CRACR2A: variants seen among roughly 807,000 people sequenced by gnomAD.
CRACR2A encodes calcium release activated channel regulator 2A.
Under a neutral mutation model 90.5 loss-of-function variants are expected in CRACR2A, and 79 were observed. The ratio of observed to expected loss-of-function variants is 0.87; its 90% CI spans 0.73 to 1.05. The LOEUF is 1.05. CRACR2A is among the 50% of genes least tolerant of loss of function. The pLI is 0.00. For missense variants in CRACR2A, 823 were observed against 897.2 expected, an observed-to-expected ratio of 0.92 and a Z score of 1.06; for synonymous variants, 338 against 356.7, an observed-to-expected ratio of 0.95 and a Z score of 0.59.
intron 17 of CRACR2A, among the ~76,000 whole-genome samples, chr12:3,621,671 A>AAAAAAAAAAAAAAAAC (rs1301625787): frequency 2.1e-5 from 3 of 145,304 alleles, no homozygotes; most frequent in Non-Finnish European, 4.5e-5. Context: ...AAAAAAAAAA[A>AAAAAAAAAAAAAAAAC]AAAAAAAAAA....
chr12:3,689,253 G>A (rs188435467), intron 4 of CRACR2A, among the ~76,000 whole-genome samples: 1 of 152,296 alleles, frequency 6.6e-6, no homozygotes, highest in East Asian at 1.9e-4. Context: ...GTGAGAGAGG[G>A]CATCCTTGTC....
chr12:3,751,761 G>A (rs1946708396), intron 1 of CRACR2A, among the ~76,000 whole-genome samples: 1 of 106,170 alleles, frequency 9.4e-6, no homozygotes, highest in African/African-American at 3.8e-5. Flanking sequence ...GAACCGAGAG[G>A]TGACAGGACC....
intron 2 of CRACR2A, among the ~76,000 whole-genome samples, chr12:3,716,547 T>C (rs7305574): frequency 0.14 from 20,785 of 152,238 alleles, 1,616 homozygotes; most frequent in Admixed American, 0.23. Flanking sequence ...TGGTCCTTTT[T>C]AGTTAGGGCA....
intron 1 of CRACR2A, among the ~76,000 whole-genome samples, chr12:3,742,365 A>G (rs967885308): frequency 6.6e-5 from 10 of 152,182 alleles, no homozygotes; most frequent in African/African-American, 1.9e-4. Context: ...TCCGAATACC[A>G]TCTCCATCCT....
chr12:3,632,605 G>C (rs1034140198), intron 15 of CRACR2A, among the ~76,000 whole-genome samples: 2 of 152,142 alleles, frequency 1.3e-5, no homozygotes, highest in Admixed American at 1.3e-4. Flanking sequence ...GGGACACTAT[G>C]GCATGGAAGA....
chr12:3,628,830 A>T (rs1403495740), intron 15 of CRACR2A, among the ~76,000 whole-genome samples: 4 of 152,198 alleles, frequency 2.6e-5, no homozygotes, highest in African/African-American at 9.6e-5. Context: ...GAGACCAAAC[A>T]GATAACAAAG....
At chr12:3,702,388 G>A (rs1413227077) in intron 3 of CRACR2A, among the ~76,000 whole-genome samples, 2 of 152,080 alleles carry the variant, frequency 1.3e-5, no homozygotes, top group African/African-American at 4.8e-5. Context: ...CAGCAGGAGT[G>A]CTTATATAAA....
At chr12:3,615,591 C>T (rs56172341) in intron 19 of CRACR2A, among the ~76,000 whole-genome samples, 152 bp from the exon 20 acceptor site, 9,696 of 152,150 alleles carry the variant, frequency 0.064, 361 homozygotes, top group Middle Eastern at 0.12. Context: ...CCTGAACATC[C>T]CCCCCTGGAC....
chr12:3,709,755 C>T (rs922954275), intron 3 of CRACR2A, among the ~76,000 whole-genome samples: 6 of 152,152 alleles, frequency 3.9e-5, no homozygotes, highest in Non-Finnish European at 7.3e-5. Flanking sequence ...CTGGCCTGGG[C>T]GACAGAGCGA....
intron 2 of CRACR2A, among the ~76,000 whole-genome samples, chr12:3,720,453 A>C (rs1946151206): frequency 6.6e-6 from 1 of 150,472 alleles, no homozygotes; most frequent in Non-Finnish European, 1.5e-5. Flanking sequence ...GAAAGAAAGA[A>C]AGAAAGAAAG....
chr12:3,659,746 A>T (rs1200513117), intron 7 of CRACR2A, 92 bp from the exon 8 acceptor site: 1 of 1,013,042 alleles, frequency 9.9e-7, no homozygotes, highest in African/African-American at 1.6e-5. Context: ...CCAACTCTGG[A>T]GCTGTGGGTG....
At position 3,638,328 on chromosome 12, in the gene CRACR2A, C is replaced by T. The variant is rs1169838112; in HGVS notation, c.1398G>A (p.Arg466=). The T allele has an allele frequency of 1.3e-6, 2 of 1,551,098 alleles. No homozygotes were observed. Among genetic ancestry groups the T allele is most frequent in the East Asian group, 2.4e-5 (1 of 40,924 alleles). ...CAACGGAGATGATTCTGCGGAGCGG[C>T]CGGGGGTACGGACCCCCAGGCCCTG... ...GEPGPGGPYP[R]PLRRIISVEE... The change falls in exon 14 of 20, where the codon CGG becomes CGA. Residue 466 remains arginine (R), a synonymous_variant. Coordinates refer to ENST00000440314, the MANE Select transcript of CRACR2A (RefSeq NM_001144958.2).
intron 1 of CRACR2A, among the ~76,000 whole-genome samples, chr12:3,733,741 G>A (rs749693457): frequency 1.3e-5 from 2 of 151,818 alleles, no homozygotes; most frequent in African/African-American, 2.4e-5. Flanking sequence ...TAAATCCATC[G>A]AGTTGTGGGT....
At chr12:3,744,447 T>A (rs955787314) in intron 1 of CRACR2A, among the ~76,000 whole-genome samples, 1 of 152,172 alleles carries the variant, frequency 6.6e-6, no homozygotes, top group African/African-American at 2.4e-5. Context: ...ATGACACCCC[T>A]GTCTAGATGA....
intron 11 of CRACR2A, chr12:3,648,290 C>T: frequency 1.4e-6 from 2 of 1,416,494 alleles, no homozygotes; most frequent in Admixed American, 2.7e-5. Flanking sequence ...CTGTGAGGGA[C>T]TCAGAGGAGT....
At chr12:3,666,354 T>TGTGC (rs372810487) in intron 7 of CRACR2A, among the ~76,000 whole-genome samples, 1,837 of 145,022 alleles carry the variant, frequency 0.013, 13 homozygotes, top group Non-Finnish European at 0.016. Flanking sequence ...TGTGTGTGTG[T>TGTGC]GCGTGCGTGT....
In CRACR2A at chr12:3,746,911, G is replaced by C. The variant is rs1314842267; in HGVS notation, c.-387+6104C>G. 6.6e-6 allele frequency among the ~76,000 whole-genome samples: 1 copy of C among 152,232 alleles called. No homozygotes were observed. The highest frequency in any genetic ancestry group is 1.9e-4 in the East Asian group (1 of 5,200). On this transcript the variant is annotated intron_variant, in intron 1 of 19. Transcript: ENST00000440314. This position sits in a 1 kb window ranked among gnomAD's most constrained non-coding sequence, Gnocchi z 4.4. ...ACCACAAGCTCTCAAAACAGGTAATGTCACCATGACCCATGGGATCACATG... is the reference window on the plus strand; with the variant it reads ...ACCACAAGCTCTCAAAACAGGTAATCTCACCATGACCCATGGGATCACATG...
At chr12:3,669,286 C>T (rs148350036) in intron 7 of CRACR2A, among the ~76,000 whole-genome samples, 12 of 152,292 alleles carry the variant, frequency 7.9e-5, no homozygotes, top group African/African-American at 2.9e-4. Flanking sequence ...GCTCTATGTG[C>T]CCTGGAGAGC....
intron 19 of CRACR2A, 122 bp downstream of exon 19, chr12:3,616,832 T>C: frequency 1.4e-6 from 1 of 737,864 alleles, no homozygotes; most frequent in Non-Finnish European, 2.3e-6. Context: ...CAGAGGGCTC[T>C]GGCCAATAGG....
Sources: allele counts gnomAD v4.1 joint callset (sites outside exome capture counted in the v4.1 genomes callset), GRCh38; gene constraint gnomAD v4.1.1; non-coding constraint Gnocchi (gnomAD v3.1); transcripts MANE v1.5; gene names NCBI Gene and HGNC (gene_info 2026-07-23, HGNC 2026-07-21).